Variants in ACOXL observed in about 807,000 individuals in gnomAD.
ACOXL encodes acyl-CoA oxidase like, also known as acyl-coenzyme A oxidase-like protein.
A neutral mutation model predicts 71.9 loss-of-function variants in ACOXL; 70 were observed. The observed-to-expected ratio is 0.97, with a 90% CI of 0.80 to 1.19. ACOXL has a LOEUF of 1.19. Ranked by LOEUF, ACOXL falls within the 50% of genes most tolerant of loss-of-function variation. The pLI, the probability that ACOXL is intolerant of heterozygous loss-of-function variation, is 0.00. For synonymous variants in ACOXL, 253 were observed against 281.6 expected, an observed-to-expected ratio of 0.90 and a Z score of 1.02; for missense variants, 703 against 736.3, an observed-to-expected ratio of 0.95 and a Z score of 0.52.
chr2:111,037,969 G>A (rs778191350), intron 15 of ACOXL, among the ~76,000 whole-genome samples: 12 of 152,166 alleles, frequency 7.9e-5, no homozygotes, highest in East Asian at 3.8e-4. Flanking sequence ...ATTTGCCTCC[G>A]AACAATGCTT....
intron 1 of ACOXL, among the ~76,000 whole-genome samples, chr2:110,754,144 C>T (rs1679368227): frequency 6.7e-6 from 1 of 149,456 alleles, no homozygotes; most frequent in African/African-American, 2.5e-5. Flanking sequence ...ATGATCTTGG[C>T]TCACTACAGC....
chr2:110,959,877 AC>A (rs1240632942), intron 12 of ACOXL, among the ~76,000 whole-genome samples: 1 of 152,224 alleles, frequency 6.6e-6, no homozygotes, highest in Non-Finnish European at 1.5e-5. Flanking sequence ...AAAGTTGGGT[AC>A]CACATACAGG....
chr2:110,914,156 A>T (rs1275161702), intron 11 of ACOXL, among the ~76,000 whole-genome samples: 1 of 152,194 alleles, frequency 6.6e-6, no homozygotes, highest in Non-Finnish European at 1.5e-5. Context: ...GGTATGAGAA[A>T]TATGTCTAAT....
At chr2:110,801,582 G>T in intron 7 of ACOXL, 70 bp from the exon 8 acceptor site, 1 of 1,384,752 alleles carries the variant, frequency 7.2e-7, no homozygotes, top group East Asian at 2.3e-5. Context: ...TTTTAGTGGC[G>T]ACAGGCCTGG....
intron 11 of ACOXL, among the ~76,000 whole-genome samples, chr2:110,929,439 G>A (rs755198430): frequency 5.9e-5 from 9 of 152,230 alleles, no homozygotes; most frequent in Non-Finnish European, 8.8e-5. Context: ...CTTGGGTGCT[G>A]TTAAAAACAT....
At chr2:110,808,822 G>A (rs1041121791) in intron 9 of ACOXL, among the ~76,000 whole-genome samples, 17 of 152,240 alleles carry the variant, frequency 1.1e-4, no homozygotes, top group African/African-American at 4.1e-4. Context: ...CAACTCATGA[G>A]TGTAGCAACT....
chr2:110,833,381 C>T (rs190382245), intron 9 of ACOXL, among the ~76,000 whole-genome samples: 14 of 152,260 alleles, frequency 9.2e-5, no homozygotes, highest in African/African-American at 3.4e-4. Context: ...ATTATGGAAA[C>T]GGAGAGCAGA....
In ACOXL at chr2:110,784,808, G is replaced by A. The variant is rs745568724; in HGVS notation, c.152G>A (p.Gly51Glu). 4 of 1,602,080 alleles carry A rather than the reference G, an allele frequency of 2.5e-6. No individual in the cohort carries two copies. Among genetic ancestry groups the A allele is most frequent in the South Asian group, 1.1e-5 (1 of 88,744 alleles). Residue 51 changes from glycine (G) to glutamate (E), a missense_variant, in exon 3 of 18, where the codon GGA becomes GAA. Coordinates refer to ENST00000439055, the MANE Select transcript of ACOXL (RefSeq NM_001142807.4). ...CTCTCCATGGCGGACATGGCCACAG[G>A]AGTGAAGGTGAGAGGCGCCGGGCAC... is the stretch of plus-strand genomic sequence containing the variant. ...EVLSMADMAT[G>E]VKCGIIYWLF...
intron 2 of ACOXL, among the ~76,000 whole-genome samples, chr2:110,782,487 T>C (rs1683458521): frequency 1.3e-5 from 2 of 152,234 alleles, no homozygotes; most frequent in South Asian, 4.1e-4. Context: ...AGTACAAATA[T>C]ATGCTTAAAT....
intron 15 of ACOXL, among the ~76,000 whole-genome samples, chr2:111,046,318 AT>A (rs1410493517): frequency 2.0e-5 from 3 of 152,332 alleles, no homozygotes; most frequent in Admixed American, 2.0e-4. Flanking sequence ...CAGAGGGAAG[AT>A]TTAAAGTCAG....
At chr2:110,894,771 C>T (rs1056368330) in intron 10 of ACOXL, among the ~76,000 whole-genome samples, 16 of 152,162 alleles carry the variant, frequency 1.1e-4, no homozygotes, top group African/African-American at 3.6e-4. Flanking sequence ...TATGACACTA[C>T]ACCCACTGCT....
At chr2:111,036,576 G>A (rs114455520) in intron 15 of ACOXL, among the ~76,000 whole-genome samples, 19 of 152,244 alleles carry the variant, frequency 1.2e-4, no homozygotes, top group South Asian at 4.1e-4. Flanking sequence ...TCAGTCACAC[G>A]GCCAAATCCT....
chr2:111,101,841 T>G (rs918402681), intron 17 of ACOXL: 20 of 152,640 alleles, frequency 1.3e-4, no homozygotes, highest in African/African-American at 4.8e-4. Context: ...AGCCCCTGGC[T>G]GTGGTCAGTG....
intron 15 of ACOXL, among the ~76,000 whole-genome samples, chr2:111,037,132 C>T (rs1405369222): frequency 6.6e-6 from 1 of 152,172 alleles, no homozygotes; most frequent in African/African-American, 2.4e-5. Flanking sequence ...GCAGGTTGTG[C>T]CCGTCGGTCT....
intron 10 of ACOXL, among the ~76,000 whole-genome samples, chr2:110,879,356 A>C (rs1353530492): frequency 1.3e-5 from 2 of 152,210 alleles, no homozygotes; most frequent in East Asian, 3.9e-4. Flanking sequence ...TGTCCGTGCC[A>C]TGGAACCTTC....
At chr2:110,866,604 G>T (rs537654791) in intron 10 of ACOXL, among the ~76,000 whole-genome samples, 22 of 152,194 alleles carry the variant, frequency 1.4e-4, no homozygotes, top group South Asian at 4.1e-4. Flanking sequence ...TACAGGGGAG[G>T]CGCCAGTGGA....
chr2:110,962,291 C>G (rs2061729736), intron 12 of ACOXL, among the ~76,000 whole-genome samples: 2 of 152,368 alleles, frequency 1.3e-5, no homozygotes, highest in Admixed American at 6.5e-5. Flanking sequence ...CAGGACCGCA[C>G]TTTATCGGAA....
At chr2:110,757,269 A>G (rs1679824347) in intron 1 of ACOXL, among the ~76,000 whole-genome samples, 1 of 152,208 alleles carries the variant, frequency 6.6e-6, no homozygotes, top group Non-Finnish European at 1.5e-5. Flanking sequence ...CATGGTATAT[A>G]TGTACCACAT....
intron 14 of ACOXL, among the ~76,000 whole-genome samples, chr2:111,006,531 C>T (rs2149647080): frequency 6.6e-6 from 1 of 151,766 alleles, no homozygotes; most frequent in East Asian, 1.9e-4. Context: ...TAGGAATGTT[C>T]TTCTTTTGTT....
Sources: gnomAD v4.1 joint callset for allele counts (sites outside exome capture counted in the v4.1 genomes callset) on GRCh38, gnomAD v4.1.1 for gene constraint, MANE v1.5 for transcripts, NCBI Gene and HGNC (gene_info 2026-07-23, HGNC 2026-07-21) for gene names.